Variants in ZSWIM5 observed in about 807,000 individuals in gnomAD.
ZSWIM5 encodes zinc finger SWIM-type containing 5, also known as zinc finger SWIM domain-containing protein 5.
ZSWIM5 carries 55 observed loss-of-function variants against 119.6 expected under a neutral mutation model. The observed-to-expected ratio is 0.46, with a 90% CI of 0.37 to 0.58. ZSWIM5 has a LOEUF of 0.58. ZSWIM5 is among the 20% of genes least tolerant of loss of function. The probability of loss-of-function intolerance (pLI) is 0.00; values close to 1 mark genes in which losing one functional copy is unlikely to be tolerated. For synonymous variants in ZSWIM5, 537 were observed against 606.9 expected (o/e 0.88, Z 1.69); for missense variants, 1,193 against 1,512.8 (o/e 0.79, Z 3.51).
chr1:45,168,724 T>G (rs1645926584), intron 1 of ZSWIM5, among the ~76,000 whole-genome samples: 1 of 151,520 alleles, frequency 6.6e-6, no homozygotes, highest in South Asian at 2.1e-4. Context: ...TGGGAGTTTT[T>G]AATTTTTTTA....
chr1:45,125,965 G>C (rs1406404914), intron 1 of ZSWIM5, among the ~76,000 whole-genome samples: 1 of 152,012 alleles, frequency 6.6e-6, no homozygotes, highest in Non-Finnish European at 1.5e-5. Flanking sequence ...CTACTCTGAA[G>C]ACTGAGGTGG....
At chr1:45,020,818 T>A (rs1255246651) in intron 11 of ZSWIM5, 30 bp from the exon 12 acceptor site, 1 of 1,602,888 alleles carries the variant, frequency 6.2e-7, no homozygotes, top group South Asian at 1.1e-5. Context: ...GGGCAGGGTC[T>A]ATTTTAAAGT....
Position 45,206,106 on chromosome 1 carries a change from A to AC in ZSWIM5, c.244dup (p.Val82GlyfsTer25). 6.2e-7 allele frequency: 1 copy of AC among 1,611,326 alleles called. No individual in the cohort carries two copies. Among genetic ancestry groups the AC allele is most frequent in the Non-Finnish European group, 8.5e-7 (1 of 1,179,316 alleles). On this transcript the variant is annotated frameshift_variant, in exon 1 of 14. Transcript: ENST00000359600. LOFTEE classifies it high-confidence loss of function. ...CGGGATCCGCTCGAAGCGCTCCTCC[A>AC]CCCGTTCGTATGCCCACTTTTCCGC...
At chr1:45,037,735 C>A (rs905927596) in intron 8 of ZSWIM5, among the ~76,000 whole-genome samples, 1 of 152,222 alleles carries the variant, frequency 6.6e-6, no homozygotes, top group Non-Finnish European at 1.5e-5. Context: ...GGGGCCACCC[C>A]TTATATCTCT....
At chr1:45,136,908 A>T (rs1216324587) in intron 1 of ZSWIM5, among the ~76,000 whole-genome samples, 1 of 152,094 alleles carries the variant, frequency 6.6e-6, no homozygotes, top group Non-Finnish European at 1.5e-5. Flanking sequence ...TTCTAGCCCC[A>T]TAAGACTGCT....
At chr1:45,204,128 C>A (rs892591575) in intron 1 of ZSWIM5, among the ~76,000 whole-genome samples, 2 of 152,060 alleles carry the variant, frequency 1.3e-5, no homozygotes, top group East Asian at 3.8e-4. Context: ...AAAATAGACA[C>A]CTCTTTAAAA....
In ZSWIM5 at chr1:45,034,304, A is replaced by G. The variant is rs1009154857; in HGVS notation, c.2449+8T>C. ...TGATGCTGGAGCTTAAGGTCTATCT[A>G]TGCTCACCTTTGGCAGCAGTCAGCA... On this transcript the variant is annotated splice_region_variant and intron_variant, in intron 11 of 13. Transcript: ENST00000359600. The G allele has an allele frequency of 2.5e-6, 4 of 1,596,196 alleles. No individual in the cohort carries two copies. The highest frequency in any genetic ancestry group is 2.2e-5 in the East Asian group (1 of 44,622).
rs1444318052 is a variant in ZSWIM5 at position 45,088,267 on chromosome 1, G to C, written c.596-30C>G. 6.9e-7 allele frequency: 1 copy of C among 1,441,168 alleles called. No individual in the cohort carries two copies. The highest frequency in any genetic ancestry group is 1.4e-5 in the African/African-American group (1 of 70,094). 89.3% of individuals were successfully genotyped at this position (1,441,168 alleles called of 1,614,324 possible). On this transcript the variant is annotated intron_variant, in intron 1 of 13. Transcript: ENST00000359600. The surrounding 1 kb of genome is among the most constrained non-coding windows in gnomAD (Gnocchi z 4.2). ...GGAAACACAAAAGAAACTGTGTTTA[G>C]AGATTCTAGAGTAATAAACTTAGAT...
rs184258939 is a variant in ZSWIM5, at chr1:45,106,724, G to A, written c.596-18487C>T. ...TATCCAACAGCTCCAAAGAGACAGCGACCATCAAGAATGGGCCATGATGAC... is the reference window on the plus strand; with the variant it reads ...TATCCAACAGCTCCAAAGAGACAGCAACCATCAAGAATGGGCCATGATGAC... On this transcript the variant is annotated intron_variant, in intron 1 of 13. Coordinates refer to ENST00000359600, the MANE Select transcript of ZSWIM5 (RefSeq NM_020883.2). Among the ~76,000 whole-genome samples, 7 of 152,292 alleles carry A rather than the reference G, an allele frequency of 4.6e-5. No individual in the cohort carries two copies. In the South Asian group the frequency reaches 8.3e-4, roughly 18 times the overall value.
chr1:45,087,955 G>A lies in ZSWIM5; in HGVS notation c.878C>T (p.Thr293Ile), dbSNP rs746245552. The stretch of plus-strand genomic sequence containing the variant: ...TTTCTGTGCAGTAGGAAGAACTTCA[G>A]TGTGGTGTGCCGTGATTAAATATTG... Reference protein sequence around the residue: ...FIQYLITAHHTEVLPTAQKLA... With the variant: ...FIQYLITAHHIEVLPTAQKLA... Residue 293 changes from threonine to isoleucine, a missense_variant, in exon 2 of 14, where the codon ACT becomes ATT. Physicochemically the swap from Thr to Ile is moderately conservative, Grantham distance 89 (BLOSUM62 -1). This residue lies in a region of ZSWIM5 where 961 missense variants were observed against 1,290.0 expected (regional missense o/e 0.74). Coordinates refer to ENST00000359600, the MANE Select transcript of ZSWIM5 (RefSeq NM_020883.2). The A allele has an allele frequency of 6.8e-6, 11 of 1,614,082 alleles. No homozygotes were observed. The highest frequency in any genetic ancestry group is 2.2e-5 in the East Asian group (1 of 44,894).
chr1:45,196,834 A>C (rs567885161), intron 1 of ZSWIM5, among the ~76,000 whole-genome samples: 1 of 152,254 alleles, frequency 6.6e-6, no homozygotes, highest in East Asian at 1.9e-4. Context: ...CATTTCCATC[A>C]CCCAGAAGTT....
intron 1 of ZSWIM5, among the ~76,000 whole-genome samples, chr1:45,103,881 CT>C (rs997506495): frequency 1.1e-4 from 17 of 152,326 alleles, no homozygotes; most frequent in African/African-American, 3.8e-4. Flanking sequence ...ATTAAAACCA[CT>C]TTTCTCATTG....
intron 11 of ZSWIM5, among the ~76,000 whole-genome samples, chr1:45,024,192 C>CT (rs59909524): frequency 0.61 from 78,986 of 129,428 alleles, 24,684 homozygotes; most frequent in Middle Eastern, 0.75. Context: ...CTTTTCTTTT[C>CT]TTTTTTTTTT....
At position 45,153,519 on chromosome 1, in the gene ZSWIM5, A is replaced by AG. The variant is rs35705211; in HGVS notation, c.595+52236dup. ...AGACTCTGTCTCAAAAAAAAAAAAA[A>AG]GAATTAAAAATAGAATTACTATTAG... On this transcript the variant is annotated intron_variant, in intron 1 of 13. Transcript: ENST00000359600. 6.5e-3 allele frequency among the ~76,000 whole-genome samples: 985 copies of AG among 151,668 alleles called. 9 individuals carry two copies. Among genetic ancestry groups the AG allele is most frequent in the African/African-American group, 0.021 (878 of 41,302 alleles).
intron 2 of ZSWIM5, among the ~76,000 whole-genome samples, chr1:45,085,676 G>A (rs779655949): frequency 2.0e-5 from 3 of 151,986 alleles, no homozygotes; most frequent in Admixed American, 1.3e-4. Flanking sequence ...GATCCCAAGG[G>A]CAGGGGCACA....
At chr1:45,083,798 A>G (rs1645308843) in intron 2 of ZSWIM5, among the ~76,000 whole-genome samples, 1 of 152,220 alleles carries the variant, frequency 6.6e-6, no homozygotes, top group Non-Finnish European at 1.5e-5. Context: ...TGTGCAGGAA[A>G]CATGTCTGGG....
chr1:45,110,570 T>A (rs1225468526), intron 1 of ZSWIM5, among the ~76,000 whole-genome samples: 1 of 152,210 alleles, frequency 6.6e-6, no homozygotes, highest in Non-Finnish European at 1.5e-5. Context: ...AGAATTCATG[T>A]AGATCAAGAG....
chr1:45,168,620 G>A (rs1416919018), intron 1 of ZSWIM5, among the ~76,000 whole-genome samples: 2 of 142,712 alleles, frequency 1.4e-5, no homozygotes, highest in Non-Finnish European at 3.0e-5. Flanking sequence ...AGCTGAGATC[G>A]CGCCACTGCA....
chr1:45,178,460 A>G (rs1001393277), intron 1 of ZSWIM5, among the ~76,000 whole-genome samples: 2 of 152,146 alleles, frequency 1.3e-5, no homozygotes, highest in Non-Finnish European at 2.9e-5. Flanking sequence ...CAAATGCTAC[A>G]TTAATGTTTG....
Sources: allele counts gnomAD v4.1 joint callset (sites outside exome capture counted in the v4.1 genomes callset), GRCh38; gene constraint gnomAD v4.1.1; regional missense constraint gnomAD v4.1.1; non-coding constraint Gnocchi (gnomAD v3.1); transcripts MANE v1.5; gene names NCBI Gene and HGNC (gene_info 2026-07-23, HGNC 2026-07-21).